SGK1: variants seen among roughly 807,000 people sequenced by gnomAD.
SGK1 encodes serum/glucocorticoid regulated kinase 1, also known as serine/threonine-protein kinase Sgk1.
Under a neutral mutation model 64.2 loss-of-function variants are expected in SGK1, and 26 were observed. The observed-to-expected ratio is 0.40, with a 90% CI of 0.30 to 0.56. The LOEUF (loss-of-function observed/expected upper bound fraction) is 0.56, where lower values mean the gene tolerates loss of function less well. SGK1 is among the 20% of genes least tolerant of loss of function. The probability of loss-of-function intolerance (pLI) is 0.38; values close to 1 mark genes in which losing one functional copy is unlikely to be tolerated. For synonymous variants in SGK1, 265 were observed against 239.7 expected (o/e 1.11, Z -0.98); for missense variants, 519 against 645.6 (o/e 0.80, Z 2.12).
At chr6:134,315,119 TTAAC>T (rs1157484846) in intron 1 of SGK1, among the ~76,000 whole-genome samples, 8 of 152,226 alleles carry the variant, frequency 5.3e-5, no homozygotes, top group South Asian at 4.1e-4. Flanking sequence ...TACATATTGT[TTAAC>T]TAAAAACAAA....
chr6:134,272,807 T>C (rs1042373718), intron 1 of SGK1, among the ~76,000 whole-genome samples: 1 of 148,324 alleles, frequency 6.7e-6, no homozygotes, highest in African/African-American at 2.4e-5. Flanking sequence ...AAAAGTCTCA[T>C]TTCATAAAAT....
intron 1 of SGK1, among the ~76,000 whole-genome samples, chr6:134,290,221 G>A (rs1306946538): frequency 6.6e-6 from 1 of 151,442 alleles, no homozygotes; most frequent in African/African-American, 2.4e-5. Context: ...CTACTCAGGA[G>A]GCTGAGGTGG....
intron 3 of SGK1, among the ~76,000 whole-genome samples, chr6:134,191,794 G>T (rs1266150531): frequency 2.8e-5 from 4 of 144,136 alleles, no homozygotes; most frequent in Non-Finnish European, 6.0e-5. Context: ...TCAGCCTCCT[G>T]AGTAGCTGGG....
At position 134,283,873 on chromosome 6, in the gene SGK1, CAAAAAAAAAAAAA is replaced by C. The variant is rs35999916; in HGVS notation, c.70-21738_70-21726del. On this transcript the variant is annotated intron_variant, in intron 1 of 13. Transcript: ENST00000367858. ...ACAAGACGCTGTCCCCTGCCACCAC[CAAAAAAAAAAAAA>C]AAAAAAAAAAAAAAAAAAAAGCCTG... is the stretch of plus-strand genomic sequence containing the variant. Among the ~76,000 whole-genome samples the C allele has an allele frequency of 1.5e-3, 39 of 26,148 alleles. No individual in the cohort carries two copies. In the East Asian group the frequency reaches 0.032, roughly 22 times the overall value. 17.2% of individuals were successfully genotyped at this position (26,148 alleles called of 152,430 possible).
intron 2 of SGK1, among the ~76,000 whole-genome samples, chr6:134,217,495 C>T (rs1230869867): frequency 2.0e-5 from 3 of 152,136 alleles, no homozygotes; most frequent in East Asian, 1.9e-4. Context: ...CTCACACAGT[C>T]GAATGGGTTT....
intron 1 of SGK1, among the ~76,000 whole-genome samples, chr6:134,263,589 C>G (rs919042534): frequency 3.3e-5 from 5 of 152,176 alleles, no homozygotes; most frequent in Non-Finnish European, 5.9e-5. Context: ...AAGAAATTAG[C>G]TCAAGTTTGT....
At chr6:134,220,392 G>A (rs1776071801) in intron 2 of SGK1, among the ~76,000 whole-genome samples, 1 of 152,160 alleles carries the variant, frequency 6.6e-6, no homozygotes, top group Non-Finnish European at 1.5e-5. Context: ...ACAGATAGAA[G>A]TTATATATGT....
rs984234659 is a variant in SGK1, at chr6:134,235,605, C to T, written c.285+26328G>A. On this transcript the variant is annotated intron_variant, in intron 2 of 13. Transcript: ENST00000367858. The stretch of plus-strand genomic sequence containing the variant: ...TATTTATTTTTGAGACAGTTTCCCT[C>T]CTGTTGCCCAGGCTGCAGGGCAATG... 4.0e-5 allele frequency among the ~76,000 whole-genome samples: 6 copies of T among 151,180 alleles called. No individual in the cohort carries two copies. The East Asian group carries it at 1.2e-3, about 29-fold the overall frequency.
intron 3 of SGK1, among the ~76,000 whole-genome samples, chr6:134,204,952 CTTTTCTTTCTTTCTTTCT>C (rs368907700): frequency 0.024 from 3,560 of 149,348 alleles, 125 homozygotes; most frequent in African/African-American, 0.076. Context: ...TCCCTCCCTC[CTTTTCTTTCTTTCTTTCT>C]TTTTCTTTCT....
At chr6:134,215,775 G>A (rs1353316524) in intron 2 of SGK1, among the ~76,000 whole-genome samples, 1 of 152,134 alleles carries the variant, frequency 6.6e-6, no homozygotes, top group Non-Finnish European at 1.5e-5. Context: ...CCAGCACTTT[G>A]GGAGGCTGAG....
intron 3 of SGK1, among the ~76,000 whole-genome samples, chr6:134,176,694 C>T (rs1775242777): frequency 6.6e-6 from 1 of 152,206 alleles, no homozygotes; most frequent in African/African-American, 2.4e-5. Flanking sequence ...TGGCACAGTC[C>T]CGAAATACCA....
chr6:134,172,555 G>T, intron 9 of SGK1, 107 bp downstream of exon 9: 1 of 865,162 alleles, frequency 1.2e-6, no homozygotes, highest in Non-Finnish European at 1.8e-6. Context: ...CTGGTTTTAG[G>T]CAACCAAGTT....
chr6:134,194,819 G>T (rs1291584859), intron 3 of SGK1, among the ~76,000 whole-genome samples: 2 of 152,202 alleles, frequency 1.3e-5, no homozygotes, highest in South Asian at 4.1e-4. Flanking sequence ...CACTGCACCC[G>T]GCCTACAAGT....
intron 3 of SGK1, among the ~76,000 whole-genome samples, chr6:134,199,404 C>T (rs544410691): frequency 2.0e-5 from 3 of 151,740 alleles, no homozygotes; most frequent in East Asian, 1.9e-4. Context: ...ACTAAAAATA[C>T]AAAAATTAGC....
At chr6:134,240,170 T>C (rs548097150) in intron 2 of SGK1, among the ~76,000 whole-genome samples, 2 of 151,870 alleles carry the variant, frequency 1.3e-5, no homozygotes, top group African/African-American at 4.8e-5. Context: ...CCGACGCCTA[T>C]AGTCCCAGCT....
At chr6:134,177,908 G>A in intron 3 of SGK1, 1 of 1,424,756 alleles carries the variant, frequency 7.0e-7, no homozygotes, top group South Asian at 1.4e-5. Flanking sequence ...AAGGGAGCAA[G>A]CTGCAAAGTT....
chr6:134,193,415 A>G (rs1335634292), intron 3 of SGK1, among the ~76,000 whole-genome samples: 4 of 152,070 alleles, frequency 2.6e-5, no homozygotes, highest in African/African-American at 9.7e-5. Flanking sequence ...TAAAGACCAA[A>G]ACACTTCAAA....
chr6:134,297,150 G>A (rs1053403790), intron 1 of SGK1: 3 of 612,802 alleles, frequency 4.9e-6, no homozygotes, highest in South Asian at 4.4e-5. Flanking sequence ...CCCATAGGCT[G>A]AGCACAGACC....
chr6:134,229,037 G>T (rs1001572613), intron 2 of SGK1, among the ~76,000 whole-genome samples: 2 of 152,118 alleles, frequency 1.3e-5, no homozygotes, highest in Non-Finnish European at 2.9e-5. Context: ...TAGAGACGGG[G>T]TTTCACCGTG....
Sources: allele counts gnomAD v4.1 joint callset (sites outside exome capture counted in the v4.1 genomes callset), GRCh38; gene constraint gnomAD v4.1.1; transcripts MANE v1.5; gene names NCBI Gene and HGNC (gene_info 2026-07-23, HGNC 2026-07-21).